FILIP1: variants seen among roughly 807,000 people sequenced by gnomAD.
FILIP1 encodes the protein filamin A interacting protein 1, also known as filamin-A-interacting protein 1.
FILIP1 carries 61 observed loss-of-function variants against 102.1 expected under a neutral mutation model. That is an observed-to-expected ratio of 0.60 (90% CI 0.49 to 0.74). The LOEUF (loss-of-function observed/expected upper bound fraction) is 0.74. FILIP1 is among the 30% of genes least tolerant of loss of function. The pLI, the probability that FILIP1 is intolerant of heterozygous loss-of-function variation, is 0.00. For synonymous variants in FILIP1, 491 were observed against 526.9 expected (o/e 0.93, Z 0.93); for missense variants, 1,314 against 1,441.2 (o/e 0.91, Z 1.43).
chr6:75,359,934 A>AC (rs1443645000), intron 3 of FILIP1, among the ~76,000 whole-genome samples: 15 of 152,320 alleles, frequency 9.8e-5, no homozygotes, highest in Middle Eastern at 3.4e-3. Flanking sequence ...AAAATTGAGT[A>AC]CCTAAAATGA....
At chr6:75,372,621 A>AAAAGAAAAG in intron 2 of FILIP1, among the ~76,000 whole-genome samples, 1 of 42,254 alleles carries the variant, frequency 2.4e-5, no homozygotes, top group East Asian at 7.1e-4. Flanking sequence ...GAAAGAAAGA[A>AAAAGAAAAG]AAAGAAAGAA....
intron 2 of FILIP1, among the ~76,000 whole-genome samples, chr6:75,372,461 C>G (rs1775555397): frequency 6.7e-6 from 1 of 148,720 alleles, no homozygotes; most frequent in Admixed American, 6.7e-5. Context: ...GGGCAAAGGA[C>G]TCAAATAGAC....
At chr6:75,309,767 G>A (rs911072871) in intron 5 of FILIP1, among the ~76,000 whole-genome samples, 2 of 152,204 alleles carry the variant, frequency 1.3e-5, no homozygotes, top group East Asian at 3.9e-4. Context: ...AGAAACCCAA[G>A]AGTCACCCTC....
rs142598683 is a variant in FILIP1, at chr6:75,405,931, A to T, written c.276+8766T>A. 8.2e-3 allele frequency among the ~76,000 whole-genome samples: 1,251 copies of T among 152,324 alleles called. 23 individuals carry two copies. The highest frequency in any genetic ancestry group is 0.029 in the African/African-American group (1,201 of 41,566). ...AAGTAGAAGGCAAAGAATTGAACAT[A>T]CTGACATATTGATTCTCTGAAAAGA... On this transcript the variant is annotated intron_variant, in intron 2 of 5. Coordinates refer to ENST00000237172, the MANE Select transcript of FILIP1 (RefSeq NM_015687.5).
intron 4 of FILIP1, among the ~76,000 whole-genome samples, chr6:75,329,640 G>T (rs1468243410): frequency 6.6e-6 from 1 of 152,194 alleles, no homozygotes; most frequent in Non-Finnish European, 1.5e-5. Flanking sequence ...CTTACATGTA[G>T]TTTGAAGTCT....
intron 1 of FILIP1, among the ~76,000 whole-genome samples, chr6:75,420,754 T>C (rs534523023): frequency 6.6e-6 from 1 of 152,302 alleles, no homozygotes; most frequent in East Asian, 1.9e-4. Context: ...CCTTCCTGGG[T>C]AATTTTGTAC....
At chr6:75,476,923 T>C (rs893706073) in intron 1 of FILIP1, among the ~76,000 whole-genome samples, 1 of 152,218 alleles carries the variant, frequency 6.6e-6, no homozygotes, top group Non-Finnish European at 1.5e-5. Context: ...TGTTCTGTTA[T>C]ACAACAATAT....
chr6:75,422,595 C>T (rs1777503166), intron 1 of FILIP1, among the ~76,000 whole-genome samples: 3 of 152,108 alleles, frequency 2.0e-5, no homozygotes, highest in Admixed American at 6.6e-5. Flanking sequence ...AAGACAAGTA[C>T]CTTAGGCATT....
At chr6:75,310,295 C>T (rs1008634979) in intron 5 of FILIP1, among the ~76,000 whole-genome samples, 1 of 152,242 alleles carries the variant, frequency 6.6e-6, no homozygotes, top group Non-Finnish European at 1.5e-5. Flanking sequence ...TTGTACATAC[C>T]TCTATCATAG....
At chr6:75,427,114 T>A (rs1279925111) in intron 1 of FILIP1, among the ~76,000 whole-genome samples, 1 of 152,146 alleles carries the variant, frequency 6.6e-6, no homozygotes, top group Non-Finnish European at 1.5e-5. Context: ...GGAAAGACGA[T>A]AATGGAATTT....
intron 1 of FILIP1, among the ~76,000 whole-genome samples, chr6:75,423,257 C>A (rs1777526203): frequency 6.6e-6 from 1 of 152,106 alleles, no homozygotes; most frequent in Non-Finnish European, 1.5e-5. Context: ...CTGAGCTGAG[C>A]AAAAATTTAA....
chr6:75,412,571 C>T (rs1303520679), intron 2 of FILIP1, among the ~76,000 whole-genome samples: 3 of 152,182 alleles, frequency 2.0e-5, no homozygotes, highest in East Asian at 3.9e-4. Flanking sequence ...TACCAGTCCA[C>T]CCACATTTGC....
chr6:75,470,759 AT>A (rs1275243418), intron 1 of FILIP1, among the ~76,000 whole-genome samples: 2 of 152,194 alleles, frequency 1.3e-5, no homozygotes, highest in Non-Finnish European at 2.9e-5. Context: ...AAGACTTAAA[AT>A]TTTTTAATGA....
At chr6:75,433,079 GA>G in intron 1 of FILIP1, among the ~76,000 whole-genome samples, 1 of 152,264 alleles carries the variant, frequency 6.6e-6, no homozygotes, top group African/African-American at 2.4e-5. Flanking sequence ...GTCTATCACT[GA>G]TGGACATTTG....
At chr6:75,434,121 G>A (rs1777931355) in intron 1 of FILIP1, among the ~76,000 whole-genome samples, 1 of 152,170 alleles carries the variant, frequency 6.6e-6, no homozygotes, top group Non-Finnish European at 1.5e-5. Context: ...GTCAGGTAGT[G>A]TGATGCCTCC....
Position 75,428,584 on chromosome 6 carries a change from C to T in FILIP1, c.-6-13606G>A, listed in dbSNP as rs184807239. ...TAAGTCCAGAAAATTGCAAAGAAGC[C>T]CCAGCCCCAGTATATCTACCTATTT... On this transcript the variant is annotated intron_variant, in intron 1 of 5. Coordinates refer to ENST00000237172, the MANE Select transcript of FILIP1 (RefSeq NM_015687.5). The T allele has an allele frequency of 1.9e-5, 3 of 154,228 alleles. No homozygotes were observed. The East Asian group carries it at 5.8e-4, about 30-fold the overall frequency. The allele number at this position is 154,228 out of a possible 1,614,324, so 9.6% of individuals were successfully genotyped here.
At chr6:75,389,233 G>C (rs770596271) in intron 2 of FILIP1, among the ~76,000 whole-genome samples, 10 of 152,160 alleles carry the variant, frequency 6.6e-5, no homozygotes, top group Non-Finnish European at 1.2e-4. Context: ...ACTTGATCGT[G>C]GTGGATAAAG....
chr6:75,365,900 G>A (rs549532031), intron 2 of FILIP1: 1 of 152,190 alleles, frequency 6.6e-6, no homozygotes, highest in East Asian at 1.9e-4. Flanking sequence ...CCAATGCTGA[G>A]AAAGCCACTT....
chr6:75,445,673 C>T (rs1778423131), intron 1 of FILIP1, among the ~76,000 whole-genome samples: 1 of 151,784 alleles, frequency 6.6e-6, no homozygotes, highest in African/African-American at 2.4e-5. Context: ...ATAGCCAACA[C>T]AATATCTACT....
Sources: allele counts gnomAD v4.1 joint callset (sites outside exome capture counted in the v4.1 genomes callset), GRCh38; gene constraint gnomAD v4.1.1; transcripts MANE v1.5; gene names NCBI Gene and HGNC (gene_info 2026-07-23, HGNC 2026-07-21).